The following FER variants were observed in gnomAD, a reference collection of about 807,000 sequenced individuals.
FER encodes tyrosine-protein kinase Fer.
FER carries 63 observed loss-of-function variants against 111.0 expected under a neutral mutation model. The ratio of observed to expected loss-of-function variants is 0.57; its 90% CI spans 0.46 to 0.70. The LOEUF (loss-of-function observed/expected upper bound fraction) is 0.70. FER is among the 30% of genes least tolerant of loss of function. The probability of loss-of-function intolerance (pLI) is 0.00; values close to 1 mark genes in which losing one functional copy is unlikely to be tolerated. For missense variants in FER, 914 were observed against 954.0 expected, an observed-to-expected ratio of 0.96 and a Z score of 0.55; for synonymous variants, 327 against 313.9, an observed-to-expected ratio of 1.04 and a Z score of -0.44.
intron 16 of FER, among the ~76,000 whole-genome samples, chr5:109,068,373 G>A (rs1233342330): frequency 6.6e-6 from 1 of 151,998 alleles, no homozygotes; most frequent in South Asian, 2.1e-4. Flanking sequence ...TTGTAGAGAT[G>A]GGGTTTCACC....
intron 11 of FER, among the ~76,000 whole-genome samples, chr5:108,950,739 A>G (rs924359719): frequency 1.3e-5 from 2 of 152,316 alleles, no homozygotes; most frequent in South Asian, 2.1e-4. Context: ...AACATTTAGT[A>G]TATCTGTACA....
chr5:108,903,454 C>T (rs1750322207), intron 10 of FER, among the ~76,000 whole-genome samples: 1 of 152,168 alleles, frequency 6.6e-6, no homozygotes, highest in African/African-American at 2.4e-5. Flanking sequence ...CACTTGAGGT[C>T]AGGAGTTCGA....
At chr5:109,126,401 C>T (rs1751732920) in intron 17 of FER, among the ~76,000 whole-genome samples, 1 of 152,132 alleles carries the variant, frequency 6.6e-6, no homozygotes, top group Non-Finnish European at 1.5e-5. Context: ...TTCACCTTAT[C>T]CATTATACAT....
chr5:109,075,713 A>G (rs542257292), intron 16 of FER, among the ~76,000 whole-genome samples: 1 of 152,246 alleles, frequency 6.6e-6, no homozygotes, highest in Middle Eastern at 3.4e-3. Context: ...GTGAACCACC[A>G]TGCCCAGCCC....
intron 16 of FER, among the ~76,000 whole-genome samples, chr5:109,092,284 C>CAAAAAAAAAAAAA (rs70999914): frequency 1.5e-4 from 6 of 40,426 alleles, no homozygotes; most frequent in Non-Finnish European, 1.9e-4. Flanking sequence ...CTTATGATGG[C>CAAAAAAAAAAAAA]AAAAAAAAAA....
rs939918277 is a variant in FER, at chr5:109,071,047, G to A, written c.1924+23849G>A. 8.6e-5 allele frequency among the ~76,000 whole-genome samples: 13 copies of A among 151,892 alleles called. 1 individual carries two copies. The South Asian group carries it at 1.2e-3, about 15-fold the overall frequency. On this transcript the variant is annotated intron_variant, in intron 16 of 19. Transcript: ENST00000281092. The stretch of plus-strand genomic sequence containing the variant: ...CTATAATTGTGAATGTTCCAAATTC[G>A]TGTATGTCTATCTTCTATTAATGAG...
chr5:109,006,067 C>G (rs546606911), intron 13 of FER, among the ~76,000 whole-genome samples: 1 of 152,290 alleles, frequency 6.6e-6, no homozygotes, highest in South Asian at 2.1e-4. Flanking sequence ...CTGCACAAAG[C>G]TACTTATATG....
rs1421001800 is a variant in FER at position 109,191,330 on chromosome 5, C to T, written c.*3755C>T. ...GTATACTGTGTACACTGTTTAATGG[C>T]CATGCATCTTTTGAAGTTTGATATT... On this transcript the variant is annotated 3_prime_UTR_variant, in exon 20 of 20. Transcript: ENST00000281092. The T allele has an allele frequency of 6.6e-6, 1 of 152,130 alleles. No homozygotes were observed. Among genetic ancestry groups the T allele is most frequent in the Non-Finnish European group, 1.5e-5 (1 of 68,016 alleles). 9.4% of individuals were successfully genotyped at this position (152,130 alleles called of 1,614,324 possible).
At chr5:108,863,129 T>G (rs908576059) in intron 5 of FER, among the ~76,000 whole-genome samples, 2 of 152,044 alleles carry the variant, frequency 1.3e-5, no homozygotes, top group Admixed American at 1.3e-4. Context: ...GACCTTTTTT[T>G]TTGTTTGTTT....
At chr5:108,791,065 G>C (rs1387817856) in intron 2 of FER, among the ~76,000 whole-genome samples, 1 of 152,096 alleles carries the variant, frequency 6.6e-6, no homozygotes, top group Non-Finnish European at 1.5e-5. Flanking sequence ...TATTTGGGTT[G>C]GTTCTACTTT....
At chr5:108,796,751 G>A (rs997420742) in intron 2 of FER, among the ~76,000 whole-genome samples, 1 of 152,026 alleles carries the variant, frequency 6.6e-6, no homozygotes, top group Non-Finnish European at 1.5e-5. Context: ...GGCAGTCCTG[G>A]GACTTACCCT....
intron 10 of FER, among the ~76,000 whole-genome samples, chr5:108,915,122 GT>G (rs1258836883): frequency 6.6e-6 from 1 of 152,180 alleles, no homozygotes; most frequent in Non-Finnish European, 1.5e-5. Context: ...AAAAGCTTTA[GT>G]TGTCTTTTGA....
chr5:109,087,996 T>G (rs1184985519), intron 16 of FER, among the ~76,000 whole-genome samples: 1 of 152,020 alleles, frequency 6.6e-6, no homozygotes, highest in Non-Finnish European at 1.5e-5. Flanking sequence ...GGAATGAATT[T>G]AGTGGTTTTC....
At chr5:109,073,977 A>G (rs1776044962) in intron 16 of FER, among the ~76,000 whole-genome samples, 1 of 152,178 alleles carries the variant, frequency 6.6e-6, no homozygotes, top group African/African-American at 2.4e-5. Context: ...AAAATTTTAC[A>G]CTTTTCTTTC....
chr5:108,981,470 A>C lies in FER; in HGVS notation c.1656+22123A>C, dbSNP rs546574070. Among the ~76,000 whole-genome samples the C allele has an allele frequency of 3.6e-4, 54 of 152,064 alleles. 1 individual carries two copies. The highest frequency in any genetic ancestry group is 6.3e-4 in the Non-Finnish European group (43 of 67,968). On this transcript the variant is annotated intron_variant, in intron 13 of 19. Coordinates refer to ENST00000281092, the MANE Select transcript of FER (RefSeq NM_005246.4). ...AGAAATGTTTATCAAGGTTCCTCTAAAGTCGATATAGGCTACACATTCAGT... is the reference window on the plus strand; with the variant it reads ...AGAAATGTTTATCAAGGTTCCTCTACAGTCGATATAGGCTACACATTCAGT...
chr5:108,927,252 C>CTTTTT (rs766702172), intron 10 of FER, among the ~76,000 whole-genome samples: 1,752 of 95,074 alleles, frequency 0.018, 488 homozygotes, highest in African/African-American at 0.098. Context: ...AGAAGTGGCT[C>CTTTTT]TTTTTTTTTT....
At chr5:109,074,350 C>G (rs1158299629) in intron 16 of FER, among the ~76,000 whole-genome samples, 1 of 152,122 alleles carries the variant, frequency 6.6e-6, no homozygotes, top group African/African-American at 2.4e-5. Context: ...ATAGTGAAAC[C>G]AGAGTAGAGC....
At chr5:108,999,083 A>C (rs1344170040) in intron 13 of FER, among the ~76,000 whole-genome samples, 1 of 152,144 alleles carries the variant, frequency 6.6e-6, no homozygotes, top group African/African-American at 2.4e-5. Flanking sequence ...TAGTTTTTTT[A>C]AAAGTAAGAA....
chr5:108,812,775 A>C (rs60618804), intron 3 of FER, among the ~76,000 whole-genome samples: 2 of 151,894 alleles, frequency 1.3e-5, no homozygotes, highest in Admixed American at 6.6e-5. Flanking sequence ...GTATACATCT[A>C]TAACTTACTA....
Sources: gnomAD v4.1 joint callset for allele counts (sites outside exome capture counted in the v4.1 genomes callset) on GRCh38, gnomAD v4.1.1 for gene constraint, MANE v1.5 for transcripts, NCBI Gene and HGNC (gene_info 2026-07-23, HGNC 2026-07-21) for gene names.